Variants in SULT2B1 observed in about 807,000 individuals in gnomAD.
SULT2B1 encodes the protein sulfotransferase 2B1.
SULT2B1 carries 16 observed loss-of-function variants against 33.2 expected under a neutral mutation model. The ratio of observed to expected loss-of-function variants is 0.48; its 90% CI spans 0.33 to 0.73. The LOEUF is 0.73. SULT2B1 is among the 30% of genes least tolerant of loss of function. The pLI, the probability that SULT2B1 is intolerant of heterozygous loss-of-function variation, is 0.02. For missense variants in SULT2B1, 500 were observed against 506.0 expected, an observed-to-expected ratio of 0.99 and a Z score of 0.11; for synonymous variants, 186 against 200.5, an observed-to-expected ratio of 0.93 and a Z score of 0.61.
intron 1 of SULT2B1, among the ~76,000 whole-genome samples, chr19:48,555,488 TTCTC>T (rs982985959): frequency 2.6e-4 from 37 of 144,330 alleles, no homozygotes; most frequent in Non-Finnish European, 4.3e-4. Context: ...CAGAGACATC[TTCTC>T]TCTCTCTCTC....
chr19:48,580,159 C>G (rs945545588), intron 2 of SULT2B1, among the ~76,000 whole-genome samples: 1 of 151,562 alleles, frequency 6.6e-6, no homozygotes, highest in Admixed American at 6.6e-5. Flanking sequence ...TTCAAACTCC[C>G]GAGCTCAAGC....
At chr19:48,568,625 G>A (rs1385856496) in intron 1 of SULT2B1, among the ~76,000 whole-genome samples, 1 of 152,216 alleles carries the variant, frequency 6.6e-6, no homozygotes, top group African/African-American at 2.4e-5. Context: ...GACAGAGGCA[G>A]GGCAGGGCGC....
At chr19:48,567,663 G>A (rs1465725915) in intron 1 of SULT2B1, among the ~76,000 whole-genome samples, 3 of 152,036 alleles carry the variant, frequency 2.0e-5, no homozygotes, top group Non-Finnish European at 4.4e-5. Context: ...TGCTAGTGAG[G>A]AAGGCAGATT....
intron 1 of SULT2B1, 183 bp from the exon 2 acceptor site, chr19:48,575,758 G>A (rs936112724): frequency 2.8e-6 from 3 of 1,089,554 alleles, no homozygotes; most frequent in East Asian, 5.5e-5. Flanking sequence ...TGGGATTACA[G>A]GAGTGTGCCA....
At chr19:48,585,127 G>A (rs1435551106) in intron 2 of SULT2B1, among the ~76,000 whole-genome samples, 1 of 150,900 alleles carries the variant, frequency 6.6e-6, no homozygotes, top group African/African-American at 2.4e-5. Flanking sequence ...GATCACTTGA[G>A]CCTGGGAGTT....
At chr19:48,580,176 C>T (rs1973467538) in intron 2 of SULT2B1, among the ~76,000 whole-genome samples, 1 of 151,560 alleles carries the variant, frequency 6.6e-6, no homozygotes, top group Non-Finnish European at 1.5e-5. Flanking sequence ...AAGCAATTCT[C>T]CCTCCTTGGC....
At chr19:48,587,496 G>T (rs1298667264) in intron 3 of SULT2B1, 59 bp downstream of exon 3, 2 of 1,573,020 alleles carry the variant, frequency 1.3e-6, no homozygotes, top group South Asian at 1.1e-5. Context: ...GGGGTAATGG[G>T]GGGACGGAGC....
chr19:48,598,594 A>C (rs1489897141), intron 6 of SULT2B1, among the ~76,000 whole-genome samples: 1 of 151,932 alleles, frequency 6.6e-6, no homozygotes, highest in East Asian at 1.9e-4. Context: ...AAAAAGAAAA[A>C]AAATGGAAAA....
chr19:48,576,685 G>C (rs971959801), intron 2 of SULT2B1, among the ~76,000 whole-genome samples: 1 of 144,210 alleles, frequency 6.9e-6, no homozygotes, highest in Admixed American at 7.2e-5. Flanking sequence ...TGCTGCCCAG[G>C]CTTCAGTGTG....
chr19:48,580,374 C>T (rs1482099235), intron 2 of SULT2B1, among the ~76,000 whole-genome samples: 5 of 95,320 alleles, frequency 5.2e-5, no homozygotes, highest in African/African-American at 2.3e-4. Context: ...ATTCTCCTGC[C>T]TCAGCCTCCG....
chr19:48,568,756 AGTCAGCGGCACC>A (rs1973277490), intron 1 of SULT2B1, among the ~76,000 whole-genome samples: 1 of 152,122 alleles, frequency 6.6e-6, no homozygotes, highest in Admixed American at 6.6e-5. Flanking sequence ...GCTGGCAGTG[AGTCAGCGGCACC>A]GCCAGGGCTG....
In SULT2B1 at chr19:48,579,606, T is replaced by TTTCTTTCTTTC. The variant is rs1555733743; in HGVS notation, c.214+3525_214+3526insCTTTCTTTCTT. Among the ~76,000 whole-genome samples, 21 of 8,118 alleles carry TTTCTTTCTTTC rather than the reference T, an allele frequency of 2.6e-3. No individual in the cohort carries two copies. In the South Asian group the frequency reaches 0.026, roughly 10 times the overall value. The allele number at this position is 8,118 out of a possible 152,430, so 5.3% of individuals were successfully genotyped here. On this transcript the variant is annotated intron_variant, in intron 2 of 6. Transcript: ENST00000201586. Reference sequence around the variant, plus strand: ...CTTTTTCTTTTCTTTTCTTTCTTTCTTTTTTTTTTTTTTTTTTGAGACGAA... The same window carrying TTTCTTTCTTTC: ...CTTTTTCTTTTCTTTTCTTTCTTTCTTTCTTTCTTTCTTTTTTTTTTTTTTTTTGAGACGAA...
At chr19:48,598,922 G>A (rs1030377799) in intron 6 of SULT2B1, among the ~76,000 whole-genome samples, 7 of 152,116 alleles carry the variant, frequency 4.6e-5, no homozygotes, top group African/African-American at 1.7e-4. Flanking sequence ...GAGGCAGTGA[G>A]GGCGGAGGTG....
rs1973760805 is a variant in SULT2B1 at position 48,599,005 on chromosome 19, G to A, written c.827-130G>A. The stretch of plus-strand genomic sequence containing the variant: ...AAGGGGGCAATGTGGAGGGTAGGGA[G>A]GACGGTGTTTCTGGCAAAGGGAACA... On this transcript the variant is annotated intron_variant, in intron 6 of 6. Transcript: ENST00000201586. This position sits in a 1 kb window ranked among gnomAD's most constrained non-coding sequence, Gnocchi z 4.1. The A allele has an allele frequency of 1.4e-6, 2 of 1,447,698 alleles. No individual in the cohort carries two copies. The highest frequency in any genetic ancestry group is 1.8e-6 in the Non-Finnish European group (2 of 1,095,974). 89.7% of individuals were successfully genotyped at this position (1,447,698 alleles called of 1,614,324 possible).
chr19:48,569,943 G>A (rs1789312145), intron 1 of SULT2B1, among the ~76,000 whole-genome samples: 1 of 152,096 alleles, frequency 6.6e-6, no homozygotes, highest in Non-Finnish European at 1.5e-5. Context: ...TGGGATTAGA[G>A]GCATGAGCCA....
rs1364789061 is a variant in SULT2B1 at position 48,554,301 on chromosome 19, AC to A, written c.71+1985del. Among the ~76,000 whole-genome samples the A allele has an allele frequency of 1.7e-4, 18 of 107,212 alleles. 1 individual carries two copies. The East Asian group carries it at 2.4e-3, about 14-fold the overall frequency. 70.3% of individuals were successfully genotyped at this position (107,212 alleles called of 152,430 possible). On this transcript the variant is annotated intron_variant, in intron 1 of 6. Coordinates refer to ENST00000201586, the MANE Select transcript of SULT2B1 (RefSeq NM_177973.2). ...CCAGACCCCCTCAGATACGCCACGT[AC>A]CCCCCCAGATTCGCACCTCCTCCCA...
rs1568413314 is a variant in SULT2B1 at position 48,591,661 on chromosome 19, A to G, written c.476A>G (p.Tyr159Cys). The stretch of plus-strand genomic sequence containing the variant: ...GACGTTGTGGTCTCCCTCTATCATT[A>G]CTCCAAGATCGCCGGGCAGTTAAAG... ...PRDVVVSLYH[Y>C]SKIAGQLKDP... Residue 159 changes from tyrosine (Y) to cysteine (C), a missense_variant, in exon 4 of 7, where the codon TAC becomes TGC. Physicochemically the swap from Tyr to Cys is radical, Grantham distance 194 (BLOSUM62 -2). Transcript: ENST00000201586. The G allele has an allele frequency of 6.2e-7, 1 of 1,612,990 alleles. No individual in the cohort carries two copies. The highest frequency in any genetic ancestry group is 1.3e-5 in the African/African-American group (1 of 74,698).
chr19:48,596,924 G>A lies in SULT2B1; in HGVS notation c.826+5G>A, dbSNP rs376261406. On this transcript the variant is annotated splice_donor_5th_base_variant and intron_variant, in intron 6 of 6. Transcript: ENST00000201586. ...GCGGGGCCTTCCTCCGGAAAGGTGCGGGGGTTCTGGGGTTCAGAGCCCACT... is the reference window on the plus strand; with the variant it reads ...GCGGGGCCTTCCTCCGGAAAGGTGCAGGGGTTCTGGGGTTCAGAGCCCACT... 5.9e-5 allele frequency: 93 copies of A among 1,575,718 alleles called. No homozygotes were observed. Among genetic ancestry groups the A allele is most frequent in the Admixed American group, 1.3e-4 (7 of 55,480 alleles).
At position 48,576,354 on chromosome 19, in the gene SULT2B1, C is replaced by CTTTTTTTTTTTTTTTTTTTTTTTTTTTT. The variant is rs879507532; in HGVS notation, c.214+273_214+274insTTTTTTTTTTTTTTTTTTTTTTTTTTTT. On this transcript the variant is annotated intron_variant, in intron 2 of 6. Transcript: ENST00000201586. The stretch of plus-strand genomic sequence containing the variant: ...TCCTCCCTTTCCCCTTTACCCTCTA[C>CTTTTTTTTTTTTTTTTTTTTTTTTTTTT]TTCTCTTTTTTTTTTTTTTTTTTGT... 6.3e-5 allele frequency among the ~76,000 whole-genome samples: 5 copies of CTTTTTTTTTTTTTTTTTTTTTTTTTTTT among 79,920 alleles called. 1 individual carries two copies. The highest frequency in any genetic ancestry group is 9.1e-5 in the Non-Finnish European group (4 of 43,886). 52.4% of individuals were successfully genotyped at this position (79,920 alleles called of 152,430 possible).
Sources: gnomAD v4.1 joint callset for allele counts (sites outside exome capture counted in the v4.1 genomes callset) on GRCh38, gnomAD v4.1.1 for gene constraint, Gnocchi (gnomAD v3.1) non-coding constraint, MANE v1.5 for transcripts, NCBI Gene and HGNC (gene_info 2026-07-23, HGNC 2026-07-21) for gene names.